Variants in BAALC observed in about 807,000 individuals in gnomAD.
BAALC encodes the protein brain and acute leukemia cytoplasmic protein.
A neutral mutation model predicts 15.5 loss-of-function variants in BAALC; 9 were observed. The ratio of observed to expected loss-of-function variants is 0.58; its 90% confidence interval spans 0.35 to 1.02. The LOEUF is 1.02. Among genes scored for constraint, BAALC ranks in the 50% least tolerant of loss-of-function variants. The pLI is 0.02. For missense variants in BAALC, 201 were observed against 192.4 expected, an observed-to-expected ratio of 1.04 and a Z score of -0.27; for synonymous variants, 80 against 74.6, an observed-to-expected ratio of 1.07 and a Z score of -0.37.
chr8:103,181,428 CG>C (rs2129974115), intron 1 of BAALC, among the ~76,000 whole-genome samples: 1 of 152,134 alleles, frequency 6.6e-6, no homozygotes, highest in South Asian at 2.1e-4. Flanking sequence ...CCCACCACCA[CG>C]CCTGGCTAAT....
At chr8:103,172,418 A>G (rs1365586030) in intron 1 of BAALC, among the ~76,000 whole-genome samples, 1 of 124,344 alleles carries the variant, frequency 8.0e-6, no homozygotes, top group Non-Finnish European at 1.6e-5. Flanking sequence ...TTTTTTTGAG[A>G]CAGAGTCTCG....
intron 1 of BAALC, among the ~76,000 whole-genome samples, chr8:103,201,466 C>A (rs1382812279): frequency 6.6e-6 from 1 of 152,222 alleles, no homozygotes; most frequent in Non-Finnish European, 1.5e-5. Context: ...TACACTGTGT[C>A]ACACGGAAGA....
chr8:103,185,157 G>A (rs544454777), intron 1 of BAALC, among the ~76,000 whole-genome samples: 8 of 152,072 alleles, frequency 5.3e-5, no homozygotes, highest in South Asian at 2.1e-4. Context: ...TTGCAAAAGC[G>A]TAATTTGAAG....
intron 1 of BAALC, among the ~76,000 whole-genome samples, chr8:103,151,118 A>G (rs1345404843): frequency 6.6e-6 from 1 of 151,708 alleles, no homozygotes; most frequent in Non-Finnish European, 1.5e-5. Context: ...CCTGGGTTCA[A>G]GCGATTCTCC....
intron 2 of BAALC, among the ~76,000 whole-genome samples, chr8:103,220,509 G>T (rs900970781): frequency 6.6e-6 from 1 of 152,028 alleles, no homozygotes; most frequent in South Asian, 2.1e-4. Context: ...TCTATTATGC[G>T]ACAGGCACTA....
intron 1 of BAALC, among the ~76,000 whole-genome samples, chr8:103,149,665 C>G (rs1330160327): frequency 6.6e-6 from 1 of 152,028 alleles, no homozygotes; most frequent in African/African-American, 2.4e-5. Flanking sequence ...TATATTTGTT[C>G]ATTTTTGTAT....
chr8:103,222,576 A>G (rs1267060740), intron 2 of BAALC, among the ~76,000 whole-genome samples: 1 of 152,182 alleles, frequency 6.6e-6, no homozygotes, highest in Non-Finnish European at 1.5e-5. Context: ...CCTCTTAAAC[A>G]TCCTCACGAC....
intron 1 of BAALC, among the ~76,000 whole-genome samples, chr8:103,192,243 G>C (rs1811987230): frequency 6.6e-6 from 1 of 152,086 alleles, no homozygotes; most frequent in Admixed American, 6.5e-5. Context: ...GTAGAGACAG[G>C]GTTTCATCAT....
chr8:103,146,032 G>C (rs996072937), intron 1 of BAALC, among the ~76,000 whole-genome samples: 2 of 151,842 alleles, frequency 1.3e-5, no homozygotes, highest in African/African-American at 4.8e-5. Flanking sequence ...TTGCTCTTTT[G>C]TTCACTGAAT....
rs886141748 is a variant in BAALC, at chr8:103,229,561, A to T, written c.*1462A>T. 3 of 152,162 alleles carry T rather than the reference A, an allele frequency of 2.0e-5. No homozygotes were observed. Among genetic ancestry groups the T allele is most frequent in the Non-Finnish European group, 2.9e-5 (2 of 68,032 alleles). The allele number at this position is 152,162 out of a possible 1,614,324, so 9.4% of individuals were successfully genotyped here. On this transcript the variant is annotated 3_prime_UTR_variant, in exon 3 of 3. Transcript: ENST00000309982. ...CCATCCTGTGCCAGGTACTATGCAGATGTTGAGGGATTTGGGGTCTGGTTA... is the reference window on the plus strand; with the variant it reads ...CCATCCTGTGCCAGGTACTATGCAGTTGTTGAGGGATTTGGGGTCTGGTTA...
chr8:103,226,968 A>T (rs908303231), intron 2 of BAALC, among the ~76,000 whole-genome samples: 2 of 152,346 alleles, frequency 1.3e-5, no homozygotes, highest in East Asian at 3.9e-4. Context: ...TCCAAAGCTC[A>T]AACACTTAAC....
chr8:103,141,036 G>T lies in BAALC; in HGVS notation c.139G>T (p.Glu47Ter). The stretch of plus-strand genomic sequence containing the variant: ...CGCCGCCGCCCCGGACAGCGGCCCC[G>T]AAGCGGGCGGCCTGCACTCGGGTAA... ...PSAAAPDSGPEAGGLHSGMLE... is the reference protein window; with the variant it reads ...PSAAAPDSGP Residue 47 changes from glutamate (E) to a stop codon, truncating the protein, a stop_gained, in exon 1 of 3, where the codon GAA becomes TAA. Transcript: ENST00000309982. LOFTEE classifies it high-confidence loss of function. 1.3e-6 allele frequency: 2 copies of T among 1,505,466 alleles called. No homozygotes were observed. The highest frequency in any genetic ancestry group is 8.9e-7 in the Non-Finnish European group (1 of 1,127,210). The allele number at this position is 1,505,466 out of a possible 1,614,324, so 93.3% of individuals were successfully genotyped here. A position where few individuals can be genotyped will look rare whatever the true frequency, so the allele number is the denominator to read the frequency against.
intron 1 of BAALC, among the ~76,000 whole-genome samples, chr8:103,193,886 A>G (rs944569530): frequency 1.2e-4 from 18 of 152,204 alleles, no homozygotes; most frequent in African/African-American, 4.1e-4. Context: ...ACCAGCCACC[A>G]AAGACGCTTG....
intron 1 of BAALC, among the ~76,000 whole-genome samples, chr8:103,156,639 T>C (rs532895108): frequency 6.6e-6 from 1 of 152,312 alleles, no homozygotes; most frequent in African/African-American, 2.4e-5. Flanking sequence ...CTAACAGGCG[T>C]GAGGAATAAT....
At chr8:103,159,754 A>G (rs1275921958) in intron 1 of BAALC, among the ~76,000 whole-genome samples, 1 of 151,900 alleles carries the variant, frequency 6.6e-6, no homozygotes, top group African/African-American at 2.4e-5. Context: ...TATTATTTCT[A>G]GGCTTATTAT....
intron 1 of BAALC, among the ~76,000 whole-genome samples, chr8:103,143,222 T>C (rs1810820276): frequency 6.6e-6 from 1 of 152,004 alleles, no homozygotes; most frequent in Non-Finnish European, 1.5e-5. Context: ...ATCTCCTGGG[T>C]TTCAGCCACC....
At chr8:103,162,577 G>T (rs1275705431) in intron 1 of BAALC, among the ~76,000 whole-genome samples, 1 of 152,120 alleles carries the variant, frequency 6.6e-6, no homozygotes, top group Non-Finnish European at 1.5e-5. Flanking sequence ...GCAAGCCCCA[G>T]TTAGCAAGGT....
At chr8:103,200,270 C>T (rs966307748) in intron 1 of BAALC, among the ~76,000 whole-genome samples, 1 of 152,128 alleles carries the variant, frequency 6.6e-6, no homozygotes, top group African/African-American at 2.4e-5. Flanking sequence ...ATTTGTTCAG[C>T]CATTCTGGAA....
intron 1 of BAALC, among the ~76,000 whole-genome samples, chr8:103,179,208 T>G (rs1811673910): frequency 6.6e-6 from 1 of 152,074 alleles, no homozygotes. Flanking sequence ...ACTATGGAAA[T>G]TTTGGGCCCA....
Sources: allele counts gnomAD v4.1 joint callset (sites outside exome capture counted in the v4.1 genomes callset), GRCh38; gene constraint gnomAD v4.1.1; transcripts MANE v1.5; gene names NCBI Gene and HGNC (gene_info 2026-07-23, HGNC 2026-07-21).